PCCA: variants seen among roughly 807,000 people sequenced by gnomAD.
The protein encoded by PCCA is propionyl-CoA carboxylase subunit alpha.
A neutral mutation model predicts 101.3 loss-of-function variants in PCCA; 74 were observed. The ratio of observed to expected loss-of-function variants is 0.73; its 90% CI spans 0.61 to 0.89. PCCA has a LOEUF of 0.89. PCCA is among the 40% of genes least tolerant of loss of function. PCCA has a pLI of 0.00. For missense variants in PCCA, 891 were observed against 907.0 expected (o/e 0.98, Z 0.23); for synonymous variants, 294 against 313.6 (o/e 0.94, Z 0.66).
chr13:100,182,256 C>G (rs1277360696), intron 6 of PCCA, among the ~76,000 whole-genome samples: 1 of 151,868 alleles, frequency 6.6e-6, no homozygotes, highest in Admixed American at 6.6e-5. Flanking sequence ...GCCACCACAC[C>G]TGGCTCATTT....
At chr13:100,241,860 T>C (rs1185090312) in intron 8 of PCCA, among the ~76,000 whole-genome samples, 20 of 152,246 alleles carry the variant, frequency 1.3e-4, no homozygotes, top group Admixed American at 1.3e-3. Context: ...TCCATGTATT[T>C]GTTTGTATAC....
intron 21 of PCCA, among the ~76,000 whole-genome samples, chr13:100,470,341 GAA>G (rs1566394559): frequency 6.6e-6 from 1 of 152,152 alleles, no homozygotes; most frequent in Non-Finnish European, 1.5e-5. Flanking sequence ...AAGGGTCAAA[GAA>G]AAGACAGTAG....
chr13:100,151,104 A>G (rs2053258403), intron 4 of PCCA: 3 of 1,314,872 alleles, frequency 2.3e-6, no homozygotes, highest in Admixed American at 2.0e-5. Flanking sequence ...ATCTTGGCTT[A>G]CCTGATGGCT....
chr13:100,179,251 C>T (rs535863829), intron 6 of PCCA, among the ~76,000 whole-genome samples: 1 of 152,040 alleles, frequency 6.6e-6, no homozygotes, highest in South Asian at 2.1e-4. Flanking sequence ...ACCTTACATA[C>T]TGACGAATAA....
chr13:100,273,100 A>C, intron 11 of PCCA, 96 bp from the exon 12 acceptor site: 2 of 853,720 alleles, frequency 2.3e-6, no homozygotes, highest in Non-Finnish European at 2.0e-6. Context: ...GATGATCTAT[A>C]TCTGAGTAAA....
At chr13:100,303,383 A>G (rs1178413788) in intron 14 of PCCA, among the ~76,000 whole-genome samples, 1 of 152,144 alleles carries the variant, frequency 6.6e-6, no homozygotes, top group African/African-American at 2.4e-5. Context: ...CAAGCACAAA[A>G]TCAGCTCCTT....
chr13:100,158,689 C>T (rs7998419), intron 6 of PCCA, among the ~76,000 whole-genome samples: 26,486 of 151,978 alleles, frequency 0.17, 2,433 homozygotes, highest in Middle Eastern at 0.23. Flanking sequence ...CATTTAAGTC[C>T]GTATAGATGA....
intron 7 of PCCA, among the ~76,000 whole-genome samples, chr13:100,217,622 TA>T: frequency 6.6e-6 from 1 of 151,232 alleles, no homozygotes; most frequent in East Asian, 2.0e-4. Context: ...ATATGCTTCT[TA>T]AAAAAATCCA....
intron 11 of PCCA, 34 bp downstream of exon 11, chr13:100,268,817 G>A (rs1258423945): frequency 3.6e-6 from 5 of 1,395,802 alleles, no homozygotes; most frequent in Admixed American, 3.4e-5. Context: ...TAAAGCGGCT[G>A]CTTTTATGCA....
intron 4 of PCCA, among the ~76,000 whole-genome samples, chr13:100,125,309 G>A (rs1329615976): frequency 2.6e-5 from 4 of 152,136 alleles, no homozygotes; most frequent in Non-Finnish European, 5.9e-5. Context: ...GTTGCAATAG[G>A]AAATCTATAG....
intron 19 of PCCA, among the ~76,000 whole-genome samples, chr13:100,396,800 G>A (rs1490092923): frequency 6.6e-6 from 1 of 152,150 alleles, no homozygotes; most frequent in Non-Finnish European, 1.5e-5. Context: ...CTGGGAAGTA[G>A]TTATAGAGGT....
intron 21 of PCCA, among the ~76,000 whole-genome samples, chr13:100,457,170 TATA>T (rs2081803144): frequency 6.6e-6 from 1 of 152,242 alleles, no homozygotes; most frequent in East Asian, 1.9e-4. Context: ...TCATAATGTT[TATA>T]ATGATTGATA....
At chr13:100,104,015 C>T (rs2047524941) in intron 2 of PCCA, among the ~76,000 whole-genome samples, 1 of 152,080 alleles carries the variant, frequency 6.6e-6, no homozygotes, top group Non-Finnish European at 1.5e-5. Flanking sequence ...AATGCTATTA[C>T]AATAATGTTT....
chr13:100,162,080 A>ATGTGTG (rs3034650), intron 6 of PCCA, among the ~76,000 whole-genome samples: 38 of 146,918 alleles, frequency 2.6e-4, no homozygotes, highest in Middle Eastern at 3.5e-3. Context: ...GTGTGTCTGT[A>ATGTGTG]TGTGTGTGTG....
At chr13:100,214,189 C>T (rs886689517) in intron 7 of PCCA, among the ~76,000 whole-genome samples, 8 of 151,878 alleles carry the variant, frequency 5.3e-5, no homozygotes, top group African/African-American at 1.9e-4. Context: ...GATAGCTTTG[C>T]CTATCCTGGG....
intron 20 of PCCA, among the ~76,000 whole-genome samples, chr13:100,437,313 A>G (rs1201577450): frequency 2.6e-5 from 4 of 152,172 alleles, no homozygotes; most frequent in African/African-American, 9.7e-5. Context: ...GATAACTTTG[A>G]ATATGGAGCT....
In PCCA at chr13:100,220,171, A is replaced by G. The variant is rs566488722; in HGVS notation, c.600+10708A>G. On this transcript the variant is annotated intron_variant, in intron 7 of 23. Coordinates refer to ENST00000376285, the MANE Select transcript of PCCA (RefSeq NM_000282.4). ...AGGGGCTTATCCTTCGTCTGCTAGA[A>G]CAACTGAATTAGAGTTACCTGTTTT... Among the ~76,000 whole-genome samples, 5 of 152,336 alleles carry G rather than the reference A, an allele frequency of 3.3e-5. 1 individual carries two copies. Among genetic ancestry groups the G allele is most frequent in the African/African-American group, 1.2e-4 (5 of 41,578 alleles).
intron 21 of PCCA, among the ~76,000 whole-genome samples, chr13:100,449,530 A>G (rs560989214): frequency 3.3e-5 from 5 of 152,242 alleles, no homozygotes; most frequent in Non-Finnish European, 7.3e-5. Flanking sequence ...TGTGTTGCCC[A>G]TGCTGGAGTA....
chr13:100,464,230 G>T (rs1208157732), intron 21 of PCCA, among the ~76,000 whole-genome samples: 4 of 152,182 alleles, frequency 2.6e-5, no homozygotes, highest in African/African-American at 7.2e-5. Context: ...GGATCGGGCA[G>T]GGGTGGGGGA....
Sources: gnomAD v4.1 joint callset for allele counts (sites outside exome capture counted in the v4.1 genomes callset) on GRCh38, gnomAD v4.1.1 for gene constraint, MANE v1.5 for transcripts, NCBI Gene and HGNC (gene_info 2026-07-23, HGNC 2026-07-21) for gene names.